Variants in PGM2L1 observed in about 807,000 individuals in gnomAD.
PGM2L1 encodes the protein phosphoglucomutase 2 like 1.
In PGM2L1, 35 loss-of-function variants were observed where a neutral mutation model predicts 73.4. That is an observed-to-expected ratio of 0.48 (90% CI 0.36 to 0.63). The LOEUF is 0.63. Among genes scored for constraint, PGM2L1 ranks in the 30% least tolerant of loss-of-function variants. The probability of loss-of-function intolerance (pLI) is 0.00; values close to 1 mark genes in which losing one functional copy is unlikely to be tolerated. For synonymous variants in PGM2L1, 225 were observed against 253.8 expected, an observed-to-expected ratio of 0.89 and a Z score of 1.08; for missense variants, 570 against 742.0, an observed-to-expected ratio of 0.77 and a Z score of 2.69.
rs1050227163 is a variant in PGM2L1 at position 74,334,094 on chromosome 11, C to T, written c.*2558G>A. On this transcript the variant is annotated 3_prime_UTR_variant, in exon 14 of 14. Coordinates refer to ENST00000298198, the MANE Select transcript of PGM2L1 (RefSeq NM_173582.6). ...GCTAGAATAAAATAATTCCCTCAAT[C>T]GATACACTTCAGGAACATTTGTAAA... 1.3e-5 allele frequency: 2 copies of T among 152,112 alleles called. No homozygotes were observed. The highest frequency in any genetic ancestry group is 2.4e-5 in the African/African-American group (1 of 41,414). The allele number at this position is 152,112 out of a possible 1,614,324, so 9.4% of individuals were successfully genotyped here. A position where few individuals can be genotyped will look rare whatever the true frequency, so the allele number is the denominator to read the frequency against.
At chr11:74,396,721 C>A (rs1428768841) in intron 1 of PGM2L1, among the ~76,000 whole-genome samples, 1 of 152,204 alleles carries the variant, frequency 6.6e-6, no homozygotes, top group Non-Finnish European at 1.5e-5. Flanking sequence ...GCCGGAAATT[C>A]ATTCTTAGGC....
intron 5 of PGM2L1, among the ~76,000 whole-genome samples, chr11:74,366,415 A>T (rs1405462928): frequency 6.6e-6 from 1 of 150,862 alleles, no homozygotes; most frequent in African/African-American, 2.4e-5. Flanking sequence ...CAGTGATCAT[A>T]CCACTGTACT....
Position 74,331,041 on chromosome 11 carries a change from C to T in PGM2L1, c.*5611G>A, listed in dbSNP as rs1221393980. The T allele has an allele frequency of 6.6e-6, 1 of 152,052 alleles. No individual in the cohort carries two copies. The highest frequency in any genetic ancestry group is 2.4e-5 in the African/African-American group (1 of 41,398). 9.4% of individuals were successfully genotyped at this position (152,052 alleles called of 1,614,324 possible). ...AAAATCCCTTAATTCCTAGTATCAGCAATTAAACACTCTATAACAGGTACT... is the reference window on the plus strand; with the variant it reads ...AAAATCCCTTAATTCCTAGTATCAGTAATTAAACACTCTATAACAGGTACT... On this transcript the variant is annotated 3_prime_UTR_variant, in exon 14 of 14. Coordinates refer to ENST00000298198, the MANE Select transcript of PGM2L1 (RefSeq NM_173582.6).
At chr11:74,380,961 G>T (rs1430099418) in intron 1 of PGM2L1, among the ~76,000 whole-genome samples, 6 of 152,136 alleles carry the variant, frequency 3.9e-5, no homozygotes, top group Admixed American at 3.3e-4. Context: ...CCCTGATCTT[G>T]AGTCAGCAAT....
chr11:74,390,118 C>CA lies in PGM2L1; in HGVS notation c.111+7932dup, dbSNP rs11310692. On this transcript the variant is annotated intron_variant, in intron 1 of 13. Transcript: ENST00000298198. ...TGGGCGACAGAGCGAGACTCCGTCT[C>CA]AAAAAAAAAAAAAGAAAACTTGAAG... is the stretch of plus-strand genomic sequence containing the variant. Among the ~76,000 whole-genome samples, 205 of 103,330 alleles carry CA rather than the reference C, an allele frequency of 2.0e-3. 2 individuals carry two copies. The highest frequency in any genetic ancestry group is 0.011 in the Admixed American group (113 of 10,518). The allele number at this position is 103,330 out of a possible 152,430, so 67.8% of individuals were successfully genotyped here.
At position 74,331,827 on chromosome 11, in the gene PGM2L1, C is replaced by T. The variant is rs1403089446; in HGVS notation, c.*4825G>A. ...GATTCTGATTTTGCTCTCAGAACCCCTTCCCCCTTCATCATGCCCCTCTGC... is the reference window on the plus strand; with the variant it reads ...GATTCTGATTTTGCTCTCAGAACCCTTTCCCCCTTCATCATGCCCCTCTGC... On this transcript the variant is annotated 3_prime_UTR_variant, in exon 14 of 14. Coordinates refer to ENST00000298198, the MANE Select transcript of PGM2L1 (RefSeq NM_173582.6). 1 of 152,246 alleles carries T rather than the reference C, an allele frequency of 6.6e-6. No individual in the cohort carries two copies. Among genetic ancestry groups the T allele is most frequent in the Admixed American group, 6.5e-5 (1 of 15,288 alleles). The allele number at this position is 152,246 out of a possible 1,614,324, so 9.4% of individuals were successfully genotyped here.
At chr11:74,342,134 G>T (rs929112161) in intron 12 of PGM2L1, among the ~76,000 whole-genome samples, 3 of 152,168 alleles carry the variant, frequency 2.0e-5, no homozygotes, top group Non-Finnish European at 4.4e-5. Context: ...CATGACCAGT[G>T]CTTGGAAAAC....
chr11:74,353,488 C>T (rs1370166714), intron 5 of PGM2L1, among the ~76,000 whole-genome samples: 2 of 151,524 alleles, frequency 1.3e-5, no homozygotes, highest in African/African-American at 4.9e-5. Flanking sequence ...CTGCGGCCTT[C>T]CGCAGTGTTT....
At chr11:74,363,687 C>G (rs551108529) in intron 5 of PGM2L1, among the ~76,000 whole-genome samples, 1 of 152,102 alleles carries the variant, frequency 6.6e-6, no homozygotes, top group Non-Finnish European at 1.5e-5. Flanking sequence ...CTGAATAGAC[C>G]AATAACAGGC....
At chr11:74,354,710 T>C (rs1862415803) in intron 5 of PGM2L1, 10 of 1,093,008 alleles carry the variant, frequency 9.1e-6, no homozygotes, top group South Asian at 8.7e-5. Context: ...AAGAGAGCTG[T>C]TTCAAGAGAA....
At position 74,337,410 on chromosome 11, in the gene PGM2L1, G is replaced by A. The variant is rs150724587; in HGVS notation, c.1767-656C>T. On this transcript the variant is annotated intron_variant, in intron 13 of 13. Coordinates refer to ENST00000298198, the MANE Select transcript of PGM2L1 (RefSeq NM_173582.6). ...TTTAGATTCTACTTTGAATGACTTCGGGGGCTCTTTATCCCCCCCAAAGGA... is the reference window on the plus strand; with the variant it reads ...TTTAGATTCTACTTTGAATGACTTCAGGGGCTCTTTATCCCCCCCAAAGGA... Among the ~76,000 whole-genome samples, 51 of 152,186 alleles carry A rather than the reference G, an allele frequency of 3.4e-4. No individual in the cohort carries two copies. The East Asian group carries it at 8.5e-3, about 25-fold the overall frequency.
chr11:74,393,231 A>G (rs937763439), intron 1 of PGM2L1, among the ~76,000 whole-genome samples: 4 of 152,222 alleles, frequency 2.6e-5, no homozygotes, highest in African/African-American at 9.7e-5. Context: ...TTAAATGCCA[A>G]ATTCAGTATT....
At chr11:74,339,497 C>T (rs1402723713) in intron 12 of PGM2L1, among the ~76,000 whole-genome samples, 1 of 152,190 alleles carries the variant, frequency 6.6e-6, no homozygotes, top group Non-Finnish European at 1.5e-5. Flanking sequence ...TTGGTCAGTA[C>T]ATTACCATAT....
chr11:74,355,571 AAAAAAAAAT>A (rs1391491171), intron 5 of PGM2L1: 5,714 of 249,902 alleles, frequency 0.023, 85 homozygotes, highest in East Asian at 0.063. Flanking sequence ...AAAAAAAAAA[AAAAAAAAAT>A]TTGGATCCAT....
intron 1 of PGM2L1, among the ~76,000 whole-genome samples, chr11:74,385,702 A>G (rs1863008666): frequency 6.6e-6 from 1 of 152,162 alleles, no homozygotes; most frequent in Non-Finnish European, 1.5e-5. Context: ...TTTAATGCAT[A>G]TTTTGAAATG....
chr11:74,353,481 C>A (rs1219915847), intron 5 of PGM2L1, among the ~76,000 whole-genome samples: 1 of 151,538 alleles, frequency 6.6e-6, no homozygotes, highest in African/African-American at 2.4e-5. Flanking sequence ...GAGGACCCTG[C>A]GGCCTTCCGC....
chr11:74,397,313 A>G (rs1863190889), intron 1 of PGM2L1, among the ~76,000 whole-genome samples: 1 of 141,490 alleles, frequency 7.1e-6, no homozygotes, highest in Non-Finnish European at 1.5e-5. Flanking sequence ...TTCATCCCAA[A>G]TGCCCGCACG....
In PGM2L1 at chr11:74,343,031, A is replaced by G. The variant is rs1565434767; in HGVS notation, c.1313-17T>C. Reference sequence around the variant, plus strand: ...AGAGAAAACCTGAGGATTGAAAACCATCACTAGAAAAGAGGAAAACTTAAG... The same window carrying G: ...AGAGAAAACCTGAGGATTGAAAACCGTCACTAGAAAAGAGGAAAACTTAAG... On this transcript the variant is annotated splice_polypyrimidine_tract_variant and intron_variant, in intron 10 of 13. Transcript: ENST00000298198. 6.3e-7 allele frequency: 1 copy of G among 1,582,492 alleles called. No homozygotes were observed. The highest frequency in any genetic ancestry group is 8.5e-7 in the Non-Finnish European group (1 of 1,170,326).
intron 5 of PGM2L1, among the ~76,000 whole-genome samples, chr11:74,358,882 C>T (rs1281166961): frequency 6.6e-6 from 1 of 152,064 alleles, no homozygotes; most frequent in Non-Finnish European, 1.5e-5. Context: ...GAGTGAGGCT[C>T]CATCTCAAAA....
Sources: gnomAD v4.1 joint callset for allele counts (sites outside exome capture counted in the v4.1 genomes callset) on GRCh38, gnomAD v4.1.1 for gene constraint, MANE v1.5 for transcripts, NCBI Gene and HGNC (gene_info 2026-07-23, HGNC 2026-07-21) for gene names.